MAML3: variants seen among roughly 807,000 people sequenced by gnomAD.
The protein encoded by MAML3 is mastermind-like protein 3.
In MAML3, 27 loss-of-function variants were observed where a neutral mutation model predicts 101.9. That is an observed-to-expected ratio of 0.27 (90% confidence interval 0.20 to 0.37). The LOEUF (loss-of-function observed/expected upper bound fraction) is 0.37. Ranked by LOEUF, MAML3 falls within the 10% of genes least tolerant of loss-of-function variation. The pLI, the probability that MAML3 is intolerant of heterozygous loss-of-function variation, is 1.00. For synonymous variants in MAML3, 501 were observed against 555.9 expected (o/e 0.90, Z 1.39); for missense variants, 1,316 against 1,444.9 (o/e 0.91, Z 1.45).
chr4:140,139,669 G>T (rs568695260), intron 1 of MAML3, among the ~76,000 whole-genome samples: 38 of 152,310 alleles, frequency 2.5e-4, no homozygotes, highest in Non-Finnish European at 5.0e-4. Flanking sequence ...TGCAACAGCT[G>T]TAATCTCGAT....
At chr4:140,109,497 A>G (rs1728405418) in intron 1 of MAML3, among the ~76,000 whole-genome samples, 1 of 152,188 alleles carries the variant, frequency 6.6e-6, no homozygotes, top group African/African-American at 2.4e-5. Context: ...GCATTAACAC[A>G]GTAGATCAAG....
chr4:140,016,128 T>C (rs1202390464), intron 1 of MAML3, among the ~76,000 whole-genome samples: 3 of 152,192 alleles, frequency 2.0e-5, no homozygotes, highest in Non-Finnish European at 4.4e-5. Context: ...ATATAATTTA[T>C]ATTTCTATGT....
At chr4:139,953,245 G>A (rs1733861334) in intron 1 of MAML3, among the ~76,000 whole-genome samples, 1 of 152,214 alleles carries the variant, frequency 6.6e-6, no homozygotes, top group Non-Finnish European at 1.5e-5. Flanking sequence ...GAAGAAAGGG[G>A]TAGAAAAGAG....
chr4:139,934,730 T>C (rs957530319), intron 1 of MAML3, among the ~76,000 whole-genome samples: 1 of 152,106 alleles, frequency 6.6e-6, no homozygotes. Flanking sequence ...AAAACCAAAC[T>C]CAACCACTAA....
chr4:139,809,570 C>T (rs563008142), intron 2 of MAML3, among the ~76,000 whole-genome samples: 5 of 152,296 alleles, frequency 3.3e-5, no homozygotes, highest in African/African-American at 7.2e-5. Context: ...ACGTCAGTCA[C>T]GGGGCCTGGG....
At chr4:140,024,068 G>A (rs899290604) in intron 1 of MAML3, among the ~76,000 whole-genome samples, 2 of 152,114 alleles carry the variant, frequency 1.3e-5, no homozygotes, top group Admixed American at 6.5e-5. Context: ...ATTATTCTAA[G>A]TAATGTATAT....
At chr4:139,784,482 C>T (rs989619170) in intron 2 of MAML3, among the ~76,000 whole-genome samples, 1 of 152,136 alleles carries the variant, frequency 6.6e-6, no homozygotes, top group African/African-American at 2.4e-5. Context: ...CACCCCTCTT[C>T]TCTCCCTGCT....
intron 2 of MAML3, among the ~76,000 whole-genome samples, chr4:139,764,328 G>A (rs1013294193): frequency 6.6e-6 from 1 of 152,200 alleles, no homozygotes; most frequent in African/African-American, 2.4e-5. Flanking sequence ...CGGCTGGAAA[G>A]GTCCCTACTT....
At chr4:139,988,015 C>T (rs1232663408) in intron 1 of MAML3, among the ~76,000 whole-genome samples, 39 of 82,736 alleles carry the variant, frequency 4.7e-4, no homozygotes, top group Non-Finnish European at 8.0e-4. Flanking sequence ...AGCAAAACTC[C>T]GTCTCAAAAA....
At chr4:140,092,088 GTATATATATATATACGTATA>G (rs1352876560) in intron 1 of MAML3, among the ~76,000 whole-genome samples, 1 of 76,086 alleles carries the variant, frequency 1.3e-5, no homozygotes, top group Non-Finnish European at 3.0e-5. Context: ...ATATATATAC[GTATATATATATATACGTATA>G]TATATATATA....
chr4:140,033,648 A>T (rs896808745), intron 1 of MAML3, among the ~76,000 whole-genome samples: 1 of 152,158 alleles, frequency 6.6e-6, no homozygotes, highest in Non-Finnish European at 1.5e-5. Context: ...ATTCAAACCA[A>T]CTCTGATGCT....
chr4:139,719,065 C>A lies in MAML3; in HGVS notation c.*258G>T. The stretch of plus-strand genomic sequence containing the variant: ...GCTCTGGCCGGCTTCATCTTCCCAC[C>A]TGCTCCTCCGGGTGTCTCCCTCTCT... On this transcript the variant is annotated 3_prime_UTR_variant, in exon 5 of 5. Coordinates refer to ENST00000509479, the MANE Select transcript of MAML3 (RefSeq NM_018717.5). 1 of 454,416 alleles carries A rather than the reference C, an allele frequency of 2.2e-6. No individual in the cohort carries two copies. Among genetic ancestry groups the A allele is most frequent in the Non-Finnish European group, 3.9e-6 (1 of 258,274 alleles). The allele number at this position is 454,416 out of a possible 1,614,324, so 28.1% of individuals were successfully genotyped here.
intron 2 of MAML3, among the ~76,000 whole-genome samples, chr4:139,767,872 T>A (rs1002534107): frequency 6.6e-6 from 1 of 152,254 alleles, no homozygotes; most frequent in African/African-American, 2.4e-5. Flanking sequence ...GACCACTTGG[T>A]TCCTCCTTGA....
chr4:139,857,530 G>C (rs1731684323), intron 2 of MAML3, among the ~76,000 whole-genome samples: 2 of 152,178 alleles, frequency 1.3e-5, no homozygotes, highest in Admixed American at 1.3e-4. Context: ...CAGAATTTCA[G>C]AGGTTAGACA....
At position 139,888,274 on chromosome 4, in the gene MAML3, A is replaced by G. The variant is rs938158704; in HGVS notation, c.2079+1083T>C. Among the ~76,000 whole-genome samples, 16 of 152,332 alleles carry G rather than the reference A, an allele frequency of 1.1e-4. 1 individual carries two copies. Among genetic ancestry groups the G allele is most frequent in the African/African-American group, 3.8e-4 (16 of 41,580 alleles). ...TTTCCCAGTGCTTCTAAAGTACTCAACTGTGGACACCTACCCAAGCACTAG... is the reference window on the plus strand; with the variant it reads ...TTTCCCAGTGCTTCTAAAGTACTCAGCTGTGGACACCTACCCAAGCACTAG... On this transcript the variant is annotated intron_variant, in intron 2 of 4. Coordinates refer to ENST00000509479, the MANE Select transcript of MAML3 (RefSeq NM_018717.5).
chr4:139,744,149 G>A lies in MAML3; in HGVS notation c.2080-13482C>T, dbSNP rs576964706. ...AATACTCTGATTCACCTTCTGCTAA[G>A]AGACTTAGATAAGGAAGGCTGACTA... On this transcript the variant is annotated intron_variant, in intron 2 of 4. Coordinates refer to ENST00000509479, the MANE Select transcript of MAML3 (RefSeq NM_018717.5). Among the ~76,000 whole-genome samples, 88 of 152,356 alleles carry A rather than the reference G, an allele frequency of 5.8e-4. 1 individual carries two copies. The South Asian group carries it at 0.018, about 31-fold the overall frequency.
intron 2 of MAML3, among the ~76,000 whole-genome samples, chr4:139,738,544 C>G (rs1292069639): frequency 6.6e-6 from 1 of 151,818 alleles, no homozygotes; most frequent in African/African-American, 2.4e-5. Context: ...CACTCTGTCT[C>G]AAACAAACAA....
intron 1 of MAML3, among the ~76,000 whole-genome samples, chr4:139,988,066 A>G (rs1040426469): frequency 7.5e-6 from 1 of 132,816 alleles, no homozygotes; most frequent in Non-Finnish European, 1.7e-5. Flanking sequence ...AACAAGAAAC[A>G]GTATAATCCT....
intron 1 of MAML3, among the ~76,000 whole-genome samples, chr4:140,150,108 G>C (rs962481275): frequency 1.3e-5 from 2 of 151,934 alleles, no homozygotes; most frequent in African/African-American, 4.8e-5. Flanking sequence ...ATTTATTAGT[G>C]CGTAAGTCTA....
Sources: allele counts gnomAD v4.1 joint callset (sites outside exome capture counted in the v4.1 genomes callset), GRCh38; gene constraint gnomAD v4.1.1; transcripts MANE v1.5; gene names NCBI Gene and HGNC (gene_info 2026-07-23, HGNC 2026-07-21).